Variants in HS3ST5 observed in about 807,000 individuals in gnomAD.
The protein encoded by HS3ST5 is heparan sulfate glucosamine 3-O-sulfotransferase 5.
In HS3ST5, 10 loss-of-function variants were observed where a neutral mutation model predicts 25.4. That is an observed-to-expected ratio of 0.39 (90% CI 0.24 to 0.67). HS3ST5 has a LOEUF of 0.67. Among genes scored for constraint, HS3ST5 ranks in the 30% least tolerant of loss-of-function variants. The pLI, the probability that HS3ST5 is intolerant of heterozygous loss-of-function variation, is 0.44. For synonymous variants in HS3ST5, 170 were observed against 162.4 expected, an observed-to-expected ratio of 1.05 and a Z score of -0.36; for missense variants, 324 against 420.7, an observed-to-expected ratio of 0.77 and a Z score of 2.01.
At chr6:114,158,737 C>T (rs534748495) in intron 3 of HS3ST5, among the ~76,000 whole-genome samples, 3 of 152,144 alleles carry the variant, frequency 2.0e-5, no homozygotes, top group Non-Finnish European at 4.4e-5. Flanking sequence ...CTGCTCTGCT[C>T]CAGTGAGAAT....
chr6:114,142,021 T>G (rs1056763833), intron 3 of HS3ST5, among the ~76,000 whole-genome samples: 2 of 152,064 alleles, frequency 1.3e-5, no homozygotes, highest in African/African-American at 2.4e-5. Flanking sequence ...TTCCTACAGC[T>G]GGTTGTTTGT....
In HS3ST5 at chr6:114,128,555, T is replaced by C. The variant is rs547297770; in HGVS notation, c.-33+39796A>G. 1.8e-4 allele frequency among the ~76,000 whole-genome samples: 27 copies of C among 152,294 alleles called. No individual in the cohort carries two copies. In the South Asian group the frequency reaches 3.9e-3, roughly 22 times the overall value. On this transcript the variant is annotated intron_variant, in intron 3 of 4. Transcript: ENST00000312719. Reference sequence around the variant, plus strand: ...AACGATCTCAGAGAAAAATTAATGATGTGTAAGCAGGTTTTCATTAAAAAA... The same window carrying C: ...AACGATCTCAGAGAAAAATTAATGACGTGTAAGCAGGTTTTCATTAAAAAA...
intron 1 of HS3ST5, among the ~76,000 whole-genome samples, chr6:114,288,991 G>C (rs1361440312): frequency 6.6e-6 from 1 of 152,044 alleles, no homozygotes; most frequent in Non-Finnish European, 1.5e-5. Flanking sequence ...TCCTGGGACA[G>C]AGAACATTTT....
At chr6:114,138,663 C>A (rs1460869452) in intron 3 of HS3ST5, among the ~76,000 whole-genome samples, 1 of 152,146 alleles carries the variant, frequency 6.6e-6, no homozygotes, top group Non-Finnish European at 1.5e-5. Flanking sequence ...GTAAAAAATC[C>A]TGAGTTGTAA....
chr6:114,165,650 A>G (rs547548604), intron 3 of HS3ST5, among the ~76,000 whole-genome samples: 23 of 152,340 alleles, frequency 1.5e-4, no homozygotes, highest in African/African-American at 4.1e-4. Flanking sequence ...ACTTGACGTC[A>G]GTGTCAGAGT....
chr6:114,291,991 AG>A (rs542379463), intron 1 of HS3ST5, among the ~76,000 whole-genome samples: 31 of 152,352 alleles, frequency 2.0e-4, no homozygotes, highest in Non-Finnish European at 4.1e-4. Context: ...GGACATAGAC[AG>A]GAAAACTAGC....
chr6:114,327,125 G>A (rs969266473), intron 1 of HS3ST5, among the ~76,000 whole-genome samples: 2 of 152,122 alleles, frequency 1.3e-5, no homozygotes, highest in Non-Finnish European at 2.9e-5. Context: ...AGAATGATTA[G>A]TGTCTGCAAA....
intron 3 of HS3ST5, among the ~76,000 whole-genome samples, chr6:114,070,061 G>A (rs563152084): frequency 3.3e-5 from 5 of 152,164 alleles, no homozygotes; most frequent in South Asian, 4.1e-4. Flanking sequence ...AGTGTACACT[G>A]TACCCAATAT....
intron 2 of HS3ST5, among the ~76,000 whole-genome samples, chr6:114,204,280 G>C (rs1781166712): frequency 6.6e-6 from 1 of 152,202 alleles, no homozygotes; most frequent in Non-Finnish European, 1.5e-5. Context: ...GAATGACCTT[G>C]AGGCTTCTTC....
intron 3 of HS3ST5, among the ~76,000 whole-genome samples, chr6:114,138,369 A>T (rs950750770): frequency 6.6e-6 from 1 of 152,204 alleles, no homozygotes; most frequent in African/African-American, 2.4e-5. Flanking sequence ...CATAATTAAA[A>T]GCAAAATATA....
chr6:114,127,663 A>G (rs995381021), intron 3 of HS3ST5, among the ~76,000 whole-genome samples: 5 of 152,220 alleles, frequency 3.3e-5, no homozygotes, highest in African/African-American at 9.6e-5. Flanking sequence ...GCCTACTGAA[A>G]GAAGCCAGGC....
chr6:114,183,705 T>A (rs897407801), intron 2 of HS3ST5, among the ~76,000 whole-genome samples: 2 of 152,136 alleles, frequency 1.3e-5, no homozygotes, highest in East Asian at 3.8e-4. Context: ...TCTAAGAAAC[T>A]GAGATGATCA....
intron 1 of HS3ST5, among the ~76,000 whole-genome samples, chr6:114,333,577 A>C (rs1050671482): frequency 1.3e-5 from 2 of 152,136 alleles, no homozygotes; most frequent in Non-Finnish European, 2.9e-5. Flanking sequence ...AGATAAGATA[A>C]ACAACCGATT....
At chr6:114,079,031 A>T (rs1212012407) in intron 3 of HS3ST5, among the ~76,000 whole-genome samples, 1 of 152,226 alleles carries the variant, frequency 6.6e-6, no homozygotes, top group Non-Finnish European at 1.5e-5. Flanking sequence ...AAAATATTGT[A>T]TTGCTAAAAA....
chr6:114,282,171 A>AAAC lies in HS3ST5; in HGVS notation c.-338-53396_-338-53394dup, dbSNP rs545593798. Among the ~76,000 whole-genome samples the AAAC allele has an allele frequency of 1.2e-3, 183 of 152,142 alleles. 1 individual carries two copies. Among genetic ancestry groups the AAAC allele is most frequent in the Middle Eastern group, 3.4e-3 (1 of 292 alleles). ...TCTTATGTGGAGAGACTAAGCGAAG[A>AAAC]AACATTCTTTCTAAAATGAATCACA... On this transcript the variant is annotated intron_variant, in intron 1 of 4. Coordinates refer to ENST00000312719, the MANE Select transcript of HS3ST5 (RefSeq NM_153612.4).
intron 3 of HS3ST5, among the ~76,000 whole-genome samples, chr6:114,135,322 A>C (rs1464935391): frequency 6.6e-6 from 1 of 152,194 alleles, no homozygotes; most frequent in African/African-American, 2.4e-5. Flanking sequence ...ACGTTAAGTC[A>C]GGTGAGAAAA....
intron 1 of HS3ST5, among the ~76,000 whole-genome samples, chr6:114,329,520 C>T (rs1465008059): frequency 6.6e-6 from 1 of 152,114 alleles, no homozygotes; most frequent in African/African-American, 2.4e-5. Flanking sequence ...TTTGCCCTCA[C>T]CTCCCCTAAC....
At chr6:114,088,146 A>C (rs1295090427) in intron 3 of HS3ST5, among the ~76,000 whole-genome samples, 1 of 152,202 alleles carries the variant, frequency 6.6e-6, no homozygotes, top group African/African-American at 2.4e-5. Flanking sequence ...GAGGCCTCTA[A>C]AATTGTAAAT....
At chr6:114,144,131 T>C (rs1778040689) in intron 3 of HS3ST5, among the ~76,000 whole-genome samples, 1 of 152,218 alleles carries the variant, frequency 6.6e-6, no homozygotes, top group South Asian at 2.1e-4. Context: ...CACTCTACTC[T>C]GTAGCCTGAG....
Sources: allele counts gnomAD v4.1 joint callset (sites outside exome capture counted in the v4.1 genomes callset), GRCh38; gene constraint gnomAD v4.1.1; transcripts MANE v1.5; gene names NCBI Gene and HGNC (gene_info 2026-07-23, HGNC 2026-07-21).